Variants in CDH4 observed in about 807,000 individuals in gnomAD.
CDH4 encodes cadherin-4.
In CDH4, 33 loss-of-function variants were observed where a neutral mutation model predicts 86.0. The ratio of observed to expected loss-of-function variants is 0.38; its 90% CI spans 0.29 to 0.51. CDH4 has a LOEUF of 0.51. CDH4 is among the 20% of genes least tolerant of loss of function. The pLI is 0.86. For missense variants in CDH4, 1,114 were observed against 1,307.4 expected (o/e 0.85, Z 2.28); for synonymous variants, 555 against 549.4 (o/e 1.01, Z -0.14).
rs7272536 is a variant in CDH4, at chr20:61,762,570, G to T, written c.397-10433G>T. On this transcript the variant is annotated intron_variant, in intron 3 of 15. Transcript: ENST00000614565. ...TATTCTTCTCTTCCTTGGTGGAATG[G>T]CTCCCACTGCACTCTGTCCAGCCTG... Among the ~76,000 whole-genome samples, 655 of 152,318 alleles carry T rather than the reference G, an allele frequency of 4.3e-3. 6 individuals carry two copies. Among genetic ancestry groups the T allele is most frequent in the African/African-American group, 0.015 (618 of 41,560 alleles).
rs2427159 is a variant in CDH4 at position 61,516,643 on chromosome 20, A to G, written c.170-226920A>G. 0.46 allele frequency among the ~76,000 whole-genome samples: 69,414 copies of G among 152,100 alleles called. 17,116 individuals carry two copies. Among genetic ancestry groups the G allele is most frequent in the Admixed American group, 0.57 (8,708 of 15,288 alleles). ...TGGCTGAGCTATTTTAAAGCAAAGT[A>G]TCAGACCCTCAGAGAGGCCGGATTG... On this transcript the variant is annotated intron_variant, in intron 2 of 15. Transcript: ENST00000614565. The surrounding 1 kb of genome is among the most constrained non-coding windows in gnomAD (Gnocchi z 4.0).
intron 2 of CDH4, among the ~76,000 whole-genome samples, chr20:61,514,869 A>AC (rs2085806946): frequency 6.6e-6 from 1 of 152,230 alleles, no homozygotes. Context: ...AATGTTTTCT[A>AC]CAAAAGGCAC....
intron 8 of CDH4, among the ~76,000 whole-genome samples, chr20:61,896,605 C>T (rs895598612): frequency 1.2e-4 from 19 of 152,230 alleles, no homozygotes; most frequent in Non-Finnish European, 2.5e-4. Flanking sequence ...TTTAACCGGG[C>T]GCAGCCCCAG....
rs531723502 is a variant in CDH4 at position 61,745,437 on chromosome 20, A to C, written c.396+1648A>C. 7.7e-4 allele frequency among the ~76,000 whole-genome samples: 117 copies of C among 152,318 alleles called. 1 individual carries two copies. The highest frequency in any genetic ancestry group is 5.9e-4 in the Non-Finnish European group (40 of 68,020). On this transcript the variant is annotated intron_variant, in intron 3 of 15. Coordinates refer to ENST00000614565, the MANE Select transcript of CDH4 (RefSeq NM_001794.5). Reference sequence around the variant, plus strand: ...AGGTGGTTTAGGTTAGAAAAGAGAAAGTGTGACTCAGATGGACAGTCTTCA... The same window carrying C: ...AGGTGGTTTAGGTTAGAAAAGAGAACGTGTGACTCAGATGGACAGTCTTCA...
chr20:61,678,178 GATAC>G (rs998858576), intron 2 of CDH4, among the ~76,000 whole-genome samples: 3 of 151,398 alleles, frequency 2.0e-5, no homozygotes, highest in Admixed American at 6.6e-5. Context: ...ATGGATGGAT[GATAC>G]ATAGATAGAT....
chr20:61,724,652 GC>G (rs2088088859), intron 2 of CDH4, among the ~76,000 whole-genome samples: 1 of 152,230 alleles, frequency 6.6e-6, no homozygotes, highest in Non-Finnish European at 1.5e-5. Context: ...CCACTTGGGG[GC>G]AGCAGTCAAG....
At chr20:61,596,344 A>G (rs2254293) in intron 2 of CDH4, among the ~76,000 whole-genome samples, 117,001 of 152,150 alleles carry the variant, frequency 0.77, 44,980 homozygotes, top group Admixed American at 0.81. Flanking sequence ...ACTGGCTCAC[A>G]GGGCCACAGG....
In CDH4 at chr20:61,501,675, C is replaced by T. The variant is rs544169265; in HGVS notation, c.170-241888C>T. ...GCGTGTTCCGGAAAGCATGCCGTGC[C>T]CTGTGAACTAGAAGAGGGTACTGGA... On this transcript the variant is annotated intron_variant, in intron 2 of 15. Transcript: ENST00000614565. The surrounding 1 kb of genome is among the most constrained non-coding windows in gnomAD (Gnocchi z 4.2). Among the ~76,000 whole-genome samples the T allele has an allele frequency of 5.9e-5, 9 of 152,212 alleles. No homozygotes were observed. In the East Asian group the frequency reaches 1.4e-3, roughly 23 times the overall value.
intron 2 of CDH4, among the ~76,000 whole-genome samples, chr20:61,533,432 G>C (rs2145644388): frequency 6.6e-6 from 1 of 152,334 alleles, no homozygotes; most frequent in Non-Finnish European, 1.5e-5. Flanking sequence ...GAGGCAGCTA[G>C]AGCTGTGCTC....
At chr20:61,280,629 TCC>T (rs934573330) in intron 2 of CDH4, among the ~76,000 whole-genome samples, 3 of 152,190 alleles carry the variant, frequency 2.0e-5, no homozygotes, top group Non-Finnish European at 2.9e-5. Context: ...GATATAAAGT[TCC>T]CTTTCAGATA....
chr20:61,388,131 G>A (rs1306573760), intron 2 of CDH4, among the ~76,000 whole-genome samples: 1 of 152,354 alleles, frequency 6.6e-6, no homozygotes, highest in African/African-American at 2.4e-5. Flanking sequence ...ATCCTGCAGG[G>A]TGGAGACGGC....
intron 2 of CDH4, among the ~76,000 whole-genome samples, chr20:61,635,524 T>C (rs571094538): frequency 6.6e-6 from 1 of 152,270 alleles, no homozygotes; most frequent in African/African-American, 2.4e-5. Flanking sequence ...GGCTCTTCTG[T>C]GTCCCCTCCA....
Position 61,359,370 on chromosome 20 carries a change from C to T in CDH4, c.169+104433C>T, listed in dbSNP as rs964245638. Among the ~76,000 whole-genome samples the T allele has an allele frequency of 3.9e-5, 6 of 152,146 alleles. No homozygotes were observed. The South Asian group carries it at 1.0e-3, about 26-fold the overall frequency. On this transcript the variant is annotated intron_variant, in intron 2 of 15. Coordinates refer to ENST00000614565, the MANE Select transcript of CDH4 (RefSeq NM_001794.5). ...TGCGTGCTCTCCACCTTCCCTGTCCCGGGAGAACCTATGGTGAGAGGCCAC... is the reference window on the plus strand; with the variant it reads ...TGCGTGCTCTCCACCTTCCCTGTCCTGGGAGAACCTATGGTGAGAGGCCAC...
intron 7 of CDH4, among the ~76,000 whole-genome samples, chr20:61,891,426 G>A (rs907937016): frequency 5.3e-5 from 8 of 152,152 alleles, no homozygotes; most frequent in East Asian, 3.9e-4. Context: ...GGCCTGAGCC[G>A]CCCACTCTCC....
At chr20:61,909,266 G>A (rs960969216) in intron 8 of CDH4, among the ~76,000 whole-genome samples, 12 of 152,252 alleles carry the variant, frequency 7.9e-5, no homozygotes, top group African/African-American at 2.2e-4. Context: ...TCACAGCACC[G>A]TCACATCACA....
intron 2 of CDH4, among the ~76,000 whole-genome samples, chr20:61,361,409 A>C (rs755212059): frequency 6.6e-6 from 1 of 152,164 alleles, no homozygotes; most frequent in Non-Finnish European, 1.5e-5. Context: ...AGCACTTGGC[A>C]AGTTGATGAG....
chr20:61,608,321 A>G (rs2086660081), intron 2 of CDH4, among the ~76,000 whole-genome samples: 1 of 152,178 alleles, frequency 6.6e-6, no homozygotes, highest in Admixed American at 6.5e-5. Context: ...AATTTACCAA[A>G]TGGGTCCAGT....
chr20:61,694,226 G>A (rs1020551543), intron 2 of CDH4, among the ~76,000 whole-genome samples: 2 of 152,198 alleles, frequency 1.3e-5, no homozygotes, highest in Admixed American at 6.5e-5. Flanking sequence ...GCAGGGTGTC[G>A]GGAAGAGGCG....
intron 2 of CDH4, among the ~76,000 whole-genome samples, chr20:61,330,599 C>T (rs961852924): frequency 8.5e-5 from 13 of 152,218 alleles, no homozygotes; most frequent in African/African-American, 2.7e-4. Flanking sequence ...TGACGGGGAA[C>T]GCCTGCCTTC....
Sources: gnomAD v4.1 joint callset for allele counts (sites outside exome capture counted in the v4.1 genomes callset) on GRCh38, gnomAD v4.1.1 for gene constraint, Gnocchi (gnomAD v3.1) non-coding constraint, MANE v1.5 for transcripts, NCBI Gene and HGNC (gene_info 2026-07-23, HGNC 2026-07-21) for gene names.